TTC23L: variants seen among roughly 807,000 people sequenced by gnomAD.
TTC23L encodes tetratricopeptide repeat protein 23-like.
A neutral mutation model predicts 48.1 loss-of-function variants in TTC23L; 42 were observed. The ratio of observed to expected loss-of-function variants is 0.87; its 90% CI spans 0.68 to 1.13. The LOEUF is 1.13. TTC23L is among the 50% of genes most tolerant of loss of function. TTC23L has a pLI of 0.00. For missense variants in TTC23L, 391 were observed against 421.0 expected, an observed-to-expected ratio of 0.93 and a Z score of 0.62; for synonymous variants, 159 against 157.2, an observed-to-expected ratio of 1.01 and a Z score of -0.09.
intron 9 of TTC23L, among the ~76,000 whole-genome samples, chr5:34,892,453 T>A (rs1426486051): frequency 1.3e-5 from 2 of 152,206 alleles, no homozygotes; most frequent in Non-Finnish European, 2.9e-5. Flanking sequence ...TTTACCTAAA[T>A]GTAAAATGTA....
At chr5:34,840,219 T>G (rs896764862) in intron 1 of TTC23L, among the ~76,000 whole-genome samples, 2 of 119,474 alleles carry the variant, frequency 1.7e-5, no homozygotes, top group Admixed American at 1.2e-4. Context: ...AATCTGCTAT[T>G]AATTAGTGAA....
At chr5:34,882,128 C>T (rs1338392199) in intron 9 of TTC23L, among the ~76,000 whole-genome samples, 2 of 152,182 alleles carry the variant, frequency 1.3e-5, no homozygotes, top group African/African-American at 2.4e-5. Flanking sequence ...TGTGAAAATA[C>T]GTTACCAGAA....
At chr5:34,840,562 A>G in intron 1 of TTC23L, 103 bp from the exon 2 acceptor site, 1 of 940,472 alleles carries the variant, frequency 1.1e-6, no homozygotes. Flanking sequence ...TGGGTTATAT[A>G]TTTGAGCAGT....
At chr5:34,891,049 T>A (rs1025510106) in intron 9 of TTC23L, among the ~76,000 whole-genome samples, 1 of 152,122 alleles carries the variant, frequency 6.6e-6, no homozygotes, top group African/African-American at 2.4e-5. Flanking sequence ...AGATGATAAA[T>A]AATACAAGAC....
At chr5:34,845,990 G>C (rs944890386) in intron 3 of TTC23L, among the ~76,000 whole-genome samples, 6 of 152,122 alleles carry the variant, frequency 3.9e-5, no homozygotes, top group East Asian at 3.9e-4. Flanking sequence ...TGAGGCCAGC[G>C]TGAGTAACAT....
At chr5:34,866,568 A>T (rs1460902878) in intron 6 of TTC23L, among the ~76,000 whole-genome samples, 1 of 152,124 alleles carries the variant, frequency 6.6e-6, no homozygotes, top group Non-Finnish European at 1.5e-5. Context: ...ATAAAATTTT[A>T]TTTTGATTTT....
chr5:34,914,723 T>G, the TTC23L span: 3 of 1,612,646 alleles, frequency 1.9e-6, no homozygotes, highest in South Asian at 2.2e-5. Context: ...TTGCACACAC[T>G]TTGCATTTTC....
chr5:34,853,645 C>T (rs1580431088), intron 4 of TTC23L, among the ~76,000 whole-genome samples: 1 of 152,172 alleles, frequency 6.6e-6, no homozygotes. Context: ...CAGGAGGACC[C>T]GTGTCATCAA....
chr5:34,850,213 G>C (rs934198849), exon 4 of TTC23L: 2 of 1,613,852 alleles, frequency 1.2e-6, no homozygotes, highest in Non-Finnish European at 1.7e-6. Flanking sequence ...GAGCTGATTC[G>C]ATGTGTCATC....
At chr5:34,858,043 A>G (rs1294264392) in intron 4 of TTC23L, among the ~76,000 whole-genome samples, 1 of 152,228 alleles carries the variant, frequency 6.6e-6, no homozygotes, top group African/African-American at 2.4e-5. Context: ...AACCCAAACT[A>G]AAGCAAAATG....
chr5:34,912,030 C>T, the TTC23L span, among the ~76,000 whole-genome samples: 2 of 152,174 alleles, frequency 1.3e-5, no homozygotes, highest in Non-Finnish European at 2.9e-5. Context: ...CAAAATGTAA[C>T]ATAATTCTTT....
chr5:34,900,904 C>T (rs1561165301), downstream of TTC23L, among the ~76,000 whole-genome samples: 1 of 152,210 alleles, frequency 6.6e-6, no homozygotes. Flanking sequence ...CATCTGCGCG[C>T]ACTGCCGCAG....
At chr5:34,848,487 T>C (rs1052680442) in intron 3 of TTC23L, among the ~76,000 whole-genome samples, 3 of 152,192 alleles carry the variant, frequency 2.0e-5, no homozygotes, top group African/African-American at 7.2e-5. Context: ...TTTGGGGAGA[T>C]AATAGACAAA....
chr5:34,851,001 G>C (rs1416355378), intron 4 of TTC23L, among the ~76,000 whole-genome samples: 1 of 152,162 alleles, frequency 6.6e-6, no homozygotes, highest in African/African-American at 2.4e-5. Flanking sequence ...ATGTCCCCCT[G>C]TGTGGTCTGC....
At chr5:34,915,828 T>C in the TTC23L span, 1 of 1,573,500 alleles carries the variant, frequency 6.4e-7, no homozygotes, top group Non-Finnish European at 8.6e-7. Context: ...AGCCGCCAGC[T>C]AAGCGGCACG....
intron 2 of TTC23L, among the ~76,000 whole-genome samples, chr5:34,844,085 C>T (rs1440863417): frequency 6.6e-6 from 1 of 152,172 alleles, no homozygotes; most frequent in Non-Finnish European, 1.5e-5. Context: ...GGAATGATGA[C>T]ATCTGAGTTG....
At chr5:34,862,697 G>T (rs1760767376) in intron 4 of TTC23L, among the ~76,000 whole-genome samples, 1 of 152,146 alleles carries the variant, frequency 6.6e-6, no homozygotes, top group South Asian at 2.1e-4. Flanking sequence ...TCCCCACTCA[G>T]TAGGTCTTGA....
intron 8 of TTC23L, among the ~76,000 whole-genome samples, chr5:34,874,244 G>A (rs1374661829): frequency 6.6e-6 from 1 of 152,126 alleles, no homozygotes; most frequent in East Asian, 1.9e-4. Flanking sequence ...AAGTTCTTCA[G>A]AGAAAAGGAA....
chr5:34,923,021 T>C, the TTC23L span: 1 of 1,539,940 alleles, frequency 6.5e-7, no homozygotes, highest in Non-Finnish European at 9.0e-7. Context: ...AATTACCACA[T>C]TATGCTTTGT....
Sources: gnomAD v4.1 joint callset for allele counts (sites outside exome capture counted in the v4.1 genomes callset) on GRCh38, gnomAD v4.1.1 for gene constraint, MANE v1.5 for transcripts, NCBI Gene and HGNC (gene_info 2026-07-23, HGNC 2026-07-21) for gene names.